Variants in FRMD4B observed in about 807,000 individuals in gnomAD.
FRMD4B encodes the protein FERM domain-containing protein 4B.
In FRMD4B, 74 loss-of-function variants were observed where a neutral mutation model predicts 141.5. The ratio of observed to expected loss-of-function variants is 0.52; its 90% CI spans 0.43 to 0.63. The LOEUF (loss-of-function observed/expected upper bound fraction) is 0.63, where lower values mean the gene tolerates loss of function less well. Among genes scored for constraint, FRMD4B ranks in the 30% least tolerant of loss-of-function variants. The pLI, the probability that FRMD4B is intolerant of heterozygous loss-of-function variation, is 0.00. For synonymous variants in FRMD4B, 506 were observed against 467.9 expected (o/e 1.08, Z -1.05); for missense variants, 1,366 against 1,253.4 (o/e 1.09, Z -1.36).
At chr3:69,500,409 T>C (rs886076358) in intron 1 of FRMD4B, among the ~76,000 whole-genome samples, 1 of 152,032 alleles carries the variant, frequency 6.6e-6, no homozygotes, top group Non-Finnish European at 1.5e-5. Context: ...TTGCATTGAG[T>C]GGGTCATCCT....
chr3:69,414,667 C>T (rs143787920), intron 2 of FRMD4B, among the ~76,000 whole-genome samples: 9 of 152,206 alleles, frequency 5.9e-5, no homozygotes, highest in Admixed American at 2.6e-4. Context: ...TTTCGAGGGG[C>T]TGCATTTCAA....
At chr3:69,369,485 C>T (rs1371781327) in intron 1 of FRMD4B, among the ~76,000 whole-genome samples, 1 of 152,020 alleles carries the variant, frequency 6.6e-6, no homozygotes, top group African/African-American at 2.4e-5. Flanking sequence ...TAAACTGATG[C>T]AACTGTGTGC....
At chr3:69,406,216 G>A (rs540790725) in intron 2 of FRMD4B, among the ~76,000 whole-genome samples, 6 of 152,176 alleles carry the variant, frequency 3.9e-5, no homozygotes, top group Non-Finnish European at 5.9e-5. Flanking sequence ...GCTTTTAAAT[G>A]GCCAGAGGCA....
intron 7 of FRMD4B, among the ~76,000 whole-genome samples, chr3:69,229,937 C>T (rs1312512446): frequency 6.6e-6 from 1 of 151,810 alleles, no homozygotes; most frequent in Non-Finnish European, 1.5e-5. Context: ...ATCTCTTGAC[C>T]TCATGATCAA....
At chr3:69,201,453 T>C (rs890183270) in intron 11 of FRMD4B, among the ~76,000 whole-genome samples, 4 of 152,184 alleles carry the variant, frequency 2.6e-5, no homozygotes, top group Admixed American at 2.0e-4. Flanking sequence ...AAAGTTTATA[T>C]ATATAAAATG....
At chr3:69,472,393 C>A (rs971329871) in intron 1 of FRMD4B, 8 of 493,554 alleles carry the variant, frequency 1.6e-5, no homozygotes, top group Non-Finnish European at 3.3e-5. Context: ...TTCTTAATAT[C>A]TTGGAAGTGC....
intron 1 of FRMD4B, among the ~76,000 whole-genome samples, chr3:69,348,986 G>C (rs7636200): frequency 0.52 from 79,695 of 151,948 alleles, 21,352 homozygotes; most frequent in Admixed American, 0.57. Flanking sequence ...CAATCAGGCA[G>C]GAGAAAGAAA....
At chr3:69,212,381 G>GAAAGA (rs2093093338) in intron 11 of FRMD4B, among the ~76,000 whole-genome samples, 2 of 95,598 alleles carry the variant, frequency 2.1e-5, no homozygotes, top group East Asian at 3.2e-4. Context: ...AAAAAAAAAA[G>GAAAGA]AAAAAAAAAA....
chr3:69,352,046 G>C (rs528581241), intron 1 of FRMD4B, among the ~76,000 whole-genome samples: 1 of 152,244 alleles, frequency 6.6e-6, no homozygotes, highest in Non-Finnish European at 1.5e-5. Context: ...TCAAATGTAG[G>C]ATCAAACACA....
At chr3:69,305,729 G>A (rs1161778669) in intron 3 of FRMD4B, among the ~76,000 whole-genome samples, 2 of 152,118 alleles carry the variant, frequency 1.3e-5, no homozygotes, top group African/African-American at 2.4e-5. Context: ...ACTCCAGCCT[G>A]GGAAACAGAG....
chr3:69,510,269 T>C (rs1013895330), intron 1 of FRMD4B, among the ~76,000 whole-genome samples: 1 of 152,140 alleles, frequency 6.6e-6, no homozygotes, highest in Non-Finnish European at 1.5e-5. Context: ...GATGAAAATA[T>C]TGTAACATAA....
intron 7 of FRMD4B, chr3:69,228,429 G>T (rs1181945700): frequency 8.8e-6 from 4 of 456,922 alleles, no homozygotes; most frequent in South Asian, 6.2e-5. Context: ...CAGACCTGGG[G>T]ACACTGAGAT....
At chr3:69,400,301 C>T (rs1382371947) in intron 2 of FRMD4B, among the ~76,000 whole-genome samples, 2 of 151,716 alleles carry the variant, frequency 1.3e-5, no homozygotes, top group East Asian at 1.9e-4. Context: ...TTTGAATCCA[C>T]GGGTTTGAAG....
At chr3:69,172,213 T>C (rs2092595192) in intron 22 of FRMD4B, among the ~76,000 whole-genome samples, 1 of 152,262 alleles carries the variant, frequency 6.6e-6, no homozygotes. Flanking sequence ...GATATGCCTT[T>C]GTTTAACTTG....
At chr3:69,426,200 T>G (rs1705074712) in intron 2 of FRMD4B, among the ~76,000 whole-genome samples, 1 of 152,246 alleles carries the variant, frequency 6.6e-6, no homozygotes, top group Non-Finnish European at 1.5e-5. Flanking sequence ...GTAACAGCCC[T>G]TCTCTTTAAA....
chr3:69,264,611 C>T (rs1330701672), intron 5 of FRMD4B, among the ~76,000 whole-genome samples: 2 of 152,058 alleles, frequency 1.3e-5, no homozygotes, highest in Middle Eastern at 3.2e-3. Flanking sequence ...ATTTACACTA[C>T]ACACAAAGAG....
intron 7 of FRMD4B, among the ~76,000 whole-genome samples, chr3:69,244,946 A>G (rs1438487903): frequency 6.6e-6 from 1 of 152,224 alleles, no homozygotes; most frequent in Non-Finnish European, 1.5e-5. Context: ...GCTAATATAA[A>G]TAAGGCCATG....
At chr3:69,252,279 G>A (rs1048280661) in intron 5 of FRMD4B, among the ~76,000 whole-genome samples, 1 of 152,226 alleles carries the variant, frequency 6.6e-6, no homozygotes, top group Non-Finnish European at 1.5e-5. Context: ...AACTGAGCAA[G>A]ACAAGTACCA....
chr3:69,511,647 G>T (rs777232850), intron 1 of FRMD4B, among the ~76,000 whole-genome samples: 1 of 152,132 alleles, frequency 6.6e-6, no homozygotes, highest in Admixed American at 6.5e-5. Flanking sequence ...CTTGTCTAAC[G>T]TGCATCTTGG....
Sources: gnomAD v4.1 joint callset for allele counts (sites outside exome capture counted in the v4.1 genomes callset) on GRCh38, gnomAD v4.1.1 for gene constraint, MANE v1.5 for transcripts, NCBI Gene and HGNC (gene_info 2026-07-23, HGNC 2026-07-21) for gene names.